Variants in ATP2A2 observed in about 807,000 individuals in gnomAD.
ATP2A2 encodes sarcoplasmic/endoplasmic reticulum calcium ATPase 2.
Under a neutral mutation model 109.3 loss-of-function variants are expected in ATP2A2, and 14 were observed. The ratio of observed to expected loss-of-function variants is 0.13; its 90% CI spans 0.08 to 0.20. The LOEUF is 0.20. Among genes scored for constraint, ATP2A2 ranks in the 10% least tolerant of loss-of-function variants. The pLI is 1.00. For synonymous variants in ATP2A2, 506 were observed against 490.9 expected, an observed-to-expected ratio of 1.03 and a Z score of -0.41; for missense variants, 657 against 1,321.6, an observed-to-expected ratio of 0.50 and a Z score of 7.80.
At chr12:110,299,656 G>A (rs1448522009) in intron 5 of ATP2A2, among the ~76,000 whole-genome samples, 3 of 152,112 alleles carry the variant, frequency 2.0e-5, no homozygotes, top group African/African-American at 7.2e-5. Flanking sequence ...TTTCGCTCTT[G>A]TTGCCCAGGC....
At chr12:110,315,993 A>G (rs1420407768) in intron 5 of ATP2A2, among the ~76,000 whole-genome samples, 1 of 152,204 alleles carries the variant, frequency 6.6e-6, no homozygotes, top group Non-Finnish European at 1.5e-5. Context: ...AGGCTGAGGC[A>G]GGAAAATCGC....
In ATP2A2 at chr12:110,332,597, A is replaced by G. The variant is rs199776454; in HGVS notation, c.1096A>G (p.Met366Val). Residue 366 changes from methionine to valine, a missense_variant and splice_region_variant, in exon 9 of 20, where the codon ATG becomes GTG. Physicochemically the swap from Met to Val is conservative, Grantham distance 21. This residue lies in a region of ATP2A2 where 46 missense variants were observed against 62.0 expected (regional missense o/e 0.74). Coordinates refer to ENST00000539276, the MANE Select transcript of ATP2A2 (RefSeq NM_170665.4). The part of the protein sequence containing the change: ...LTTNQMSVCR[M>V]FILDRVEGDT... The stretch of plus-strand genomic sequence containing the variant: ...ACTCTGATGCGCTCTCCCCCTACAG[A>G]TGTTCATTCTGGACAGAGTGGAAGG... 1.4e-4 allele frequency: 226 copies of G among 1,610,066 alleles called. No homozygotes were observed. The highest frequency in any genetic ancestry group is 6.8e-4 in the Admixed American group (41 of 60,022).
intron 5 of ATP2A2, among the ~76,000 whole-genome samples, chr12:110,310,917 G>C (rs1159276462): frequency 6.6e-6 from 1 of 152,236 alleles, no homozygotes; most frequent in Non-Finnish European, 1.5e-5. Context: ...GTAAAAGGCA[G>C]AGTTGTGAAA....
chr12:110,313,367 C>T (rs1455921524), intron 5 of ATP2A2, among the ~76,000 whole-genome samples: 2 of 130,816 alleles, frequency 1.5e-5, no homozygotes, highest in Non-Finnish European at 3.1e-5. Context: ...GGCTGGAGTG[C>T]AGTGGAATGA....
At chr12:110,321,153 G>A (rs1338169198) in intron 5 of ATP2A2, among the ~76,000 whole-genome samples, 8 of 152,196 alleles carry the variant, frequency 5.3e-5, no homozygotes, top group South Asian at 2.1e-4. Flanking sequence ...GCTTGAACCC[G>A]GGAGGTGGAG....
chr12:110,332,406 A>C (rs944377810), intron 8 of ATP2A2, 191 bp from the exon 9 acceptor site: 3 of 624,704 alleles, frequency 4.8e-6, no homozygotes, highest in African/African-American at 3.6e-5. Flanking sequence ...GAAGCAGTCT[A>C]ATATAATTAA....
In ATP2A2 at chr12:110,339,849, T is replaced by G; in HGVS notation, c.1761+128T>G. ...AAAGAGGTGTGGTTATTTGTTTTTC[T>G]GCCTGCCAGCTGTGTCACCCTTAAA... On this transcript the variant is annotated intron_variant, in intron 13 of 19. Transcript: ENST00000539276. This position sits in a 1 kb window ranked among gnomAD's most constrained non-coding sequence, Gnocchi z 4.4. 1 of 1,013,016 alleles carries G rather than the reference T, an allele frequency of 9.9e-7. No individual in the cohort carries two copies. Among genetic ancestry groups the G allele is most frequent in the East Asian group, 2.6e-5 (1 of 38,478 alleles). 62.8% of individuals were successfully genotyped at this position (1,013,016 alleles called of 1,614,324 possible).
At chr12:110,331,508 T>G (rs1878336093) in intron 8 of ATP2A2, 1 of 152,064 alleles carries the variant, frequency 6.6e-6, no homozygotes, top group Admixed American at 6.6e-5. Flanking sequence ...CCCGGCTAAT[T>G]TGTTATATTT....
intron 16 of ATP2A2, 32 bp from the exon 17 acceptor site, chr12:110,344,854 A>G (rs1278435106): frequency 6.2e-7 from 1 of 1,610,780 alleles, no homozygotes; most frequent in African/African-American, 1.3e-5. Context: ...CTGCAGAGGC[A>G]AGTGCATCAG....
chr12:110,311,841 C>T (rs1876110744), intron 5 of ATP2A2, among the ~76,000 whole-genome samples: 1 of 151,444 alleles, frequency 6.6e-6, no homozygotes, highest in Admixed American at 6.6e-5. Context: ...AGTTTGAGAC[C>T]AGCCTGGGCA....
intron 5 of ATP2A2, among the ~76,000 whole-genome samples, chr12:110,312,146 T>C (rs1876147175): frequency 6.6e-6 from 1 of 152,062 alleles, no homozygotes; most frequent in Non-Finnish European, 1.5e-5. Context: ...GCCAGTATGC[T>C]CCAGCCTGGG....
In ATP2A2 at chr12:110,339,398, G is replaced by T; in HGVS notation, c.1537G>T (p.Val513Leu). 2 of 1,614,204 alleles carry T rather than the reference G, an allele frequency of 1.2e-6. No individual in the cohort carries two copies. The highest frequency in any genetic ancestry group is 1.7e-6 in the Non-Finnish European group (2 of 1,180,042). Residue 513 changes from valine to leucine, a missense_variant, in exon 12 of 20, where the codon GTG (valine) becomes TTG (leucine). Physicochemically the swap from Val to Leu is conservative, Grantham distance 32. This residue lies in a region of ATP2A2 where 180 missense variants were observed against 329.1 expected (regional missense o/e 0.55). Transcript: ENST00000539276. This position sits in a 1 kb window ranked among gnomAD's most constrained non-coding sequence, Gnocchi z 4.4. ...CAGGACATCAATGAGCAAGATGTTT[G>T]TGAAGGCAAGTATGGCAGATTGCAA... is the stretch of plus-strand genomic sequence containing the variant. ...PSRTSMSKMF[V>L]KGAPEGVIDR... is the part of the protein sequence containing the mutation.
chr12:110,349,082 G>A lies in ATP2A2; in HGVS notation c.*2612G>A. The A allele has an allele frequency of 1.0e-6, 1 of 985,486 alleles. No homozygotes were observed. Among genetic ancestry groups the A allele is most frequent in the Non-Finnish European group, 1.2e-6 (1 of 829,976 alleles). The allele number at this position is 985,486 out of a possible 1,614,324, so 61.0% of individuals were successfully genotyped here. ...TCCAGCCCACAGAGGAGCCCATGGA[G>A]GGACCCACTTCCCTTGGTCCAGACA... On this transcript the variant is annotated 3_prime_UTR_variant, in exon 20 of 20. Coordinates refer to ENST00000539276, the MANE Select transcript of ATP2A2 (RefSeq NM_170665.4).
At chr12:110,334,580 T>C (rs1878650161) in intron 11 of ATP2A2, among the ~76,000 whole-genome samples, 1 of 148,804 alleles carries the variant, frequency 6.7e-6, no homozygotes, top group South Asian at 2.2e-4. Flanking sequence ...TCCTGTTCAA[T>C]TAAACCTTTT....
chr12:110,317,104 A>G (rs1231585640), intron 5 of ATP2A2, among the ~76,000 whole-genome samples: 1 of 152,192 alleles, frequency 6.6e-6, no homozygotes, highest in Non-Finnish European at 1.5e-5. Context: ...TCTCAAATGA[A>G]GAATTTCATT....
At position 110,350,185 on chromosome 12, in the gene ATP2A2, A is replaced by G; in HGVS notation, c.*3715A>G. The G allele has an allele frequency of 3.7e-6, 6 of 1,608,816 alleles. No homozygotes were observed. The Admixed American group carries it at 8.4e-5, about 23-fold the overall frequency. The stretch of plus-strand genomic sequence containing the variant: ...TGAAACCTTGAAAAGATCAAGCTGA[A>G]TGTTCCTTTTCATCTGTCGCTGTTG... On this transcript the variant is annotated 3_prime_UTR_variant, in exon 20 of 20. Transcript: ENST00000539276.
intron 8 of ATP2A2, 67 bp from the exon 9 acceptor site, chr12:110,332,530 G>A: frequency 7.6e-7 from 1 of 1,308,758 alleles, no homozygotes; most frequent in Non-Finnish European, 1.1e-6. Context: ...GCTAACAAAG[G>A]TAGTTTATTT....
chr12:110,311,639 G>T (rs1876080376), intron 5 of ATP2A2, among the ~76,000 whole-genome samples: 1 of 135,272 alleles, frequency 7.4e-6, no homozygotes, highest in African/African-American at 2.7e-5. Flanking sequence ...GATTATAAGT[G>T]TGAGCTATAG....
intron 6 of ATP2A2, chr12:110,326,074 G>A (rs895323904): frequency 1.2e-4 from 49 of 395,972 alleles, no homozygotes; most frequent in African/African-American, 1.0e-3. Context: ...CACAGTATCA[G>A]AGTATAAAAT....
Sources: gnomAD v4.1 joint callset for allele counts (sites outside exome capture counted in the v4.1 genomes callset) on GRCh38, gnomAD v4.1.1 for gene constraint, gnomAD v4.1.1 regional missense constraint, Gnocchi (gnomAD v3.1) non-coding constraint, MANE v1.5 for transcripts, NCBI Gene and HGNC (gene_info 2026-07-23, HGNC 2026-07-21) for gene names.